P3R3URF: variants seen among roughly 807,000 people sequenced by gnomAD.
P3R3URF encodes the protein P3R3URF protein.
Under a neutral mutation model 8.0 loss-of-function variants are expected in P3R3URF, and 6 were observed. That is an observed-to-expected ratio of 0.75 (90% confidence interval 0.41 to 1.47). The LOEUF (loss-of-function observed/expected upper bound fraction) is 1.47, where lower values mean the gene tolerates loss of function less well. Among genes scored for constraint, P3R3URF ranks in the 40% most tolerant of loss-of-function variants. P3R3URF has a pLI of 0.01. For missense variants in P3R3URF, 121 were observed against 117.3 expected (o/e 1.03, Z -0.14); for synonymous variants, 39 against 36.7 (o/e 1.06, Z -0.23).
At position 46,176,441 on chromosome 1, in the gene P3R3URF, G is replaced by C; in HGVS notation, c.31C>G (p.Arg11Gly). Reference sequence around the variant, plus strand: ...TAGGGGGAACGCATGCCCTGGGGCCGAGGGCCACGGACAAGCCGAGATGGC... The same window carrying C: ...TAGGGGGAACGCATGCCCTGGGGCCCAGGGCCACGGACAAGCCGAGATGGC... Reference protein sequence around the residue: MGPSRLVRGPRPQGMRSPYRR... With the variant: MGPSRLVRGPGPQGMRSPYRR... Residue 11 changes from arginine (R) to glycine (G), a missense_variant, in exon 1 of 2, where the codon CGG (arginine) becomes GGG (glycine). Arg to Gly is a moderately radical substitution (Grantham distance 125, BLOSUM62 -2). Coordinates refer to ENST00000506599, the MANE Select transcript of P3R3URF (RefSeq NM_001328655.2). 6.5e-7 allele frequency: 1 copy of C among 1,535,756 alleles called. No homozygotes were observed. The highest frequency in any genetic ancestry group is 8.7e-7 in the Non-Finnish European group (1 of 1,146,908).
intron 1 of P3R3URF, chr1:46,175,873 T>TA: frequency 8.4e-6 from 1 of 118,426 alleles, no homozygotes; most frequent in East Asian, 9.3e-5. Flanking sequence ...CTGGCTCTGG[T>TA]TTTTTTTTTT....
At position 46,176,214 on chromosome 1, in the gene P3R3URF, G is replaced by A. The variant is rs1441339086; in HGVS notation, c.244+14C>T. Reference sequence around the variant, plus strand: ...TTTAAAACCCCACCCTGGCTCACAGGCCCCCTGGCTAACCTTGAGGTGGGA... The same window carrying A: ...TTTAAAACCCCACCCTGGCTCACAGACCCCCTGGCTAACCTTGAGGTGGGA... On this transcript the variant is annotated intron_variant, in intron 1 of 1. Coordinates refer to ENST00000506599, the MANE Select transcript of P3R3URF (RefSeq NM_001328655.2). The A allele has an allele frequency of 3.3e-6, 5 of 1,534,526 alleles. No homozygotes were observed. The highest frequency in any genetic ancestry group is 2.4e-5 in the East Asian group (1 of 40,892).
Position 46,176,413 on chromosome 1 carries a change from C to T in P3R3URF, c.59G>A (p.Arg20His), listed in dbSNP as rs1372404054. Residue 20 changes from arginine (R) to histidine (H), a missense_variant, in exon 1 of 2, where the codon CGC becomes CAC. Physicochemically the swap from Arg to His is conservative, Grantham distance 29 (BLOSUM62 0). Coordinates refer to ENST00000506599, the MANE Select transcript of P3R3URF (RefSeq NM_001328655.2). ...CCTGGGCCAGCCCATACCTGGCCTG[C>T]GGTAGGGGGAACGCATGCCCTGGGG... Reference protein sequence around the residue: ...PRPQGMRSPYRRPGMGWPRPR... With the variant: ...PRPQGMRSPYHRPGMGWPRPR... 9 of 1,535,734 alleles carry T rather than the reference C, an allele frequency of 5.9e-6. No homozygotes were observed. Among genetic ancestry groups the T allele is most frequent in the African/African-American group, 1.4e-5 (1 of 73,190 alleles).
chr1:46,176,283 C>G lies in P3R3URF; in HGVS notation c.189G>C (p.Met63Ile). The G allele has an allele frequency of 6.5e-7, 1 of 1,535,802 alleles. No individual in the cohort carries two copies. The highest frequency in any genetic ancestry group is 8.7e-7 in the Non-Finnish European group (1 of 1,146,912). Residue 63 changes from methionine (M) to isoleucine (I), a missense_variant, in exon 1 of 2, where the codon ATG becomes ATC. Coordinates refer to ENST00000506599, the MANE Select transcript of P3R3URF (RefSeq NM_001328655.2). ...TGTCAGTGTGGGTGTTGTTGATACCCATGGCCCTGGTGGCAGGATTGATGG... is the reference window on the plus strand; with the variant it reads ...TGTCAGTGTGGGTGTTGTTGATACCGATGGCCCTGGTGGCAGGATTGATGG... ...SAAINPATRA[M>I]GINNTHTDTT...
At position 46,176,243 on chromosome 1, in the gene P3R3URF, T is replaced by A; in HGVS notation, c.229A>T (p.Ile77Phe). 6.5e-7 allele frequency: 1 copy of A among 1,535,712 alleles called. No homozygotes were observed. Among genetic ancestry groups the A allele is most frequent in the Non-Finnish European group, 8.7e-7 (1 of 1,146,886 alleles). Residue 77 changes from isoleucine (I) to phenylalanine (F), a missense_variant, in exon 1 of 2, where the codon ATC (isoleucine) becomes TTC (phenylalanine). Transcript: ENST00000506599. Reference sequence around the variant, plus strand: ...CCTGGCTAACCTTGAGGTGGGAAGATCCACACTATGGTGGTGTCAGTGTGG... The same window carrying A: ...CCTGGCTAACCTTGAGGTGGGAAGAACCACACTATGGTGGTGTCAGTGTGG... ...NTHTDTTIVWIFPPQVLRHLR... is the reference protein window; with the variant it reads ...NTHTDTTIVWFFPPQVLRHLR...
chr1:46,176,096 C>T (rs1396111770), intron 1 of P3R3URF, 132 bp downstream of exon 1: 51 of 970,276 alleles, frequency 5.3e-5, no homozygotes, highest in East Asian at 1.8e-4. Flanking sequence ...AGGATGGTCT[C>T]GATCTCCTGA....
At chr1:46,175,870 T>G in intron 1 of P3R3URF, 1 of 404,240 alleles carries the variant, frequency 2.5e-6, no homozygotes, top group Non-Finnish European at 4.3e-6. Flanking sequence ...TCACTGGCTC[T>G]GGTTTTTTTT....
At chr1:46,176,065 T>C (rs546064720) in intron 1 of P3R3URF, among the ~76,000 whole-genome samples, 163 bp downstream of exon 1, 285 of 152,236 alleles carry the variant, frequency 1.9e-3, no homozygotes, top group East Asian at 4.1e-3. Flanking sequence ...TTAGTAGAGA[T>C]GGGATTTCAC....
In P3R3URF at chr1:46,175,558, A is replaced by G. The variant is rs1657113469; in HGVS notation, c.*28T>C. 2.5e-6 allele frequency: 1 copy of G among 398,778 alleles called. No homozygotes were observed. Among genetic ancestry groups the G allele is most frequent in the South Asian group, 1.3e-4 (1 of 7,844 alleles). 24.7% of individuals were successfully genotyped at this position (398,778 alleles called of 1,614,324 possible). ...AGGAGATGCAGGTCCAGGGCAAACC[A>G]AGCTTCTGGGCTAGCTTCTGGGCAC... On this transcript the variant is annotated 3_prime_UTR_variant, in exon 2 of 2. Coordinates refer to ENST00000506599, the MANE Select transcript of P3R3URF (RefSeq NM_001328655.2).
intron 1 of P3R3URF, 27 bp downstream of exon 1, chr1:46,176,201 C>T: frequency 6.5e-7 from 1 of 1,534,246 alleles, no homozygotes; most frequent in Non-Finnish European, 8.7e-7. Flanking sequence ...TAAAACCCCA[C>T]CCTGGCTCAC....
chr1:46,175,769 C>G (rs1462271071), intron 1 of P3R3URF, 140 bp from the exon 2 acceptor site: 6 of 403,482 alleles, frequency 1.5e-5, no homozygotes, highest in Non-Finnish European at 2.6e-5. Context: ...CTTTGGGGTG[C>G]CTGCCATCAG....
chr1:46,176,097 G>A (rs1037110749), intron 1 of P3R3URF, 131 bp downstream of exon 1: 128 of 976,172 alleles, frequency 1.3e-4, no homozygotes, highest in Middle Eastern at 2.7e-4. Flanking sequence ...GGATGGTCTC[G>A]ATCTCCTGAC....
chr1:46,175,872 G>GT (rs34832129), intron 1 of P3R3URF: 30,352 of 306,152 alleles, frequency 0.099, 4 homozygotes, highest in East Asian at 0.22. Flanking sequence ...ACTGGCTCTG[G>GT]TTTTTTTTTT....
rs1049501443 is a variant in P3R3URF at position 46,176,332 on chromosome 1, C to T, written c.140G>A (p.Arg47Gln). The change falls in exon 1 of 2, where the codon CGA becomes CAA. Residue 47 changes from arginine to glutamine, a missense_variant. Transcript: ENST00000506599. ...CSRRRYQQGL[R>Q]GRTASSAAIN... ...GGCTGCACTGCTGGCAGTTCGACCT[C>T]GGAGACCCTGTTGATATCTTCTGCG... 2.6e-5 allele frequency: 40 copies of T among 1,535,750 alleles called. No individual in the cohort carries two copies. Among genetic ancestry groups the T allele is most frequent in the Middle Eastern group, 1.7e-4 (1 of 5,990 alleles).
chr1:46,176,064 A>G (rs1474709567), intron 1 of P3R3URF, among the ~76,000 whole-genome samples, 164 bp downstream of exon 1: 2 of 152,032 alleles, frequency 1.3e-5, no homozygotes, highest in South Asian at 2.1e-4. Context: ...TTTAGTAGAG[A>G]TGGGATTTCA....
intron 1 of P3R3URF, among the ~76,000 whole-genome samples, 179 bp downstream of exon 1, chr1:46,176,049 G>A (rs1296766705): frequency 6.6e-6 from 1 of 151,896 alleles, no homozygotes; most frequent in South Asian, 2.1e-4. Flanking sequence ...ATTTTTTTTT[G>A]TATTTTTAGT....
At chr1:46,176,160 C>T (rs1157709971) in intron 1 of P3R3URF, 68 bp downstream of exon 1, 7 of 1,517,926 alleles carry the variant, frequency 4.6e-6, no homozygotes, top group East Asian at 2.5e-5. Flanking sequence ...CAGGCATGAG[C>T]CACCGCACCC....
rs944428339 is a variant in P3R3URF, at chr1:46,175,501, T to A, written c.*85A>T. 3 of 398,522 alleles carry A rather than the reference T, an allele frequency of 7.5e-6. No individual in the cohort carries two copies. In the Admixed American group the frequency reaches 1.3e-4, roughly 18 times the overall value. The allele number at this position is 398,522 out of a possible 1,614,324, so 24.7% of individuals were successfully genotyped here. A position where few individuals can be genotyped will look rare whatever the true frequency, so the allele number is the denominator to read the frequency against. On this transcript the variant is annotated 3_prime_UTR_variant, in exon 2 of 2. Transcript: ENST00000506599. ...AATAAGGCAGTTTGAGCAGAATGAC[T>A]GTATTTGTTGTTCACCACCCACACG...
rs1419193007 is a variant in P3R3URF at position 46,176,417 on chromosome 1, AG to A, written c.54del (p.Tyr19ThrfsTer56). ...RGPRPQGMRSPYRRPGMGWPR... is the reference protein window; with the variant it reads ...RGPRPQGMRSXYRRPGMGWPR... ...GGCCAGCCCATACCTGGCCTGCGGT[AG>A]GGGGAACGCATGCCCTGGGGCCGAG... On this transcript the variant is annotated frameshift_variant, in exon 1 of 2. Transcript: ENST00000506599. LOFTEE classifies it high-confidence loss of function. 9.1e-6 allele frequency: 14 copies of A among 1,535,752 alleles called. No individual in the cohort carries two copies. Among genetic ancestry groups the A allele is most frequent in the Non-Finnish European group, 7.0e-6 (8 of 1,146,900 alleles).
Sources: allele counts gnomAD v4.1 joint callset (sites outside exome capture counted in the v4.1 genomes callset), GRCh38; gene constraint gnomAD v4.1.1; transcripts MANE v1.5; gene names NCBI Gene and HGNC (gene_info 2026-07-23, HGNC 2026-07-21).